Variants in EPS15L1 observed in about 807,000 individuals in gnomAD.
EPS15L1 encodes epidermal growth factor receptor pathway substrate 15 like 1.
In EPS15L1, 43 loss-of-function variants were observed where a neutral mutation model predicts 117.1. The observed-to-expected ratio is 0.37, with a 90% CI of 0.29 to 0.47. The LOEUF is 0.47. Among genes scored for constraint, EPS15L1 ranks in the 20% least tolerant of loss-of-function variants. The probability of loss-of-function intolerance (pLI) is 0.99; values close to 1 mark genes in which losing one functional copy is unlikely to be tolerated. For synonymous variants in EPS15L1, 459 were observed against 470.5 expected (o/e 0.98, Z 0.32); for missense variants, 981 against 1,164.0 (o/e 0.84, Z 2.29).
chr19:16,395,628 T>C (rs920758389), intron 16 of EPS15L1, among the ~76,000 whole-genome samples, 161 bp from the exon 17 acceptor site: 1 of 151,952 alleles, frequency 6.6e-6, no homozygotes, highest in Non-Finnish European at 1.5e-5. Context: ...CATAGCAAAA[T>C]CCCATCTCTA....
At chr19:16,358,913 C>T (rs138054959) in intron 23 of EPS15L1, among the ~76,000 whole-genome samples, 178 of 152,342 alleles carry the variant, frequency 1.2e-3, no homozygotes, top group Middle Eastern at 3.4e-3. Flanking sequence ...ATGCCACTTC[C>T]TAATACACAC....
intron 1 of EPS15L1, among the ~76,000 whole-genome samples, chr19:16,463,466 G>C (rs1038965352): frequency 6.6e-6 from 1 of 152,102 alleles, no homozygotes; most frequent in African/African-American, 2.4e-5. Flanking sequence ...CACAGAGACT[G>C]TCTCGGAGCT....
chr19:16,447,576 A>T (rs888061874), intron 1 of EPS15L1, among the ~76,000 whole-genome samples: 2 of 152,148 alleles, frequency 1.3e-5, no homozygotes, highest in Admixed American at 6.6e-5. Context: ...CCTGGCCAAC[A>T]TGATGAAACC....
intron 13 of EPS15L1, among the ~76,000 whole-genome samples, chr19:16,409,476 A>G (rs1018561900): frequency 6.6e-5 from 10 of 152,330 alleles, no homozygotes; most frequent in African/African-American, 2.4e-4. Flanking sequence ...ACAGCAGCAA[A>G]AAAAGGATAA....
At chr19:16,469,686 T>C (rs1432360457) in intron 1 of EPS15L1, among the ~76,000 whole-genome samples, 5 of 150,036 alleles carry the variant, frequency 3.3e-5, no homozygotes, top group Non-Finnish European at 7.4e-5. Context: ...CAGACAGGAG[T>C]GGGGGTGGAG....
At chr19:16,463,333 T>C (rs2093271719) in intron 1 of EPS15L1, among the ~76,000 whole-genome samples, 1 of 152,044 alleles carries the variant, frequency 6.6e-6, no homozygotes, top group African/African-American at 2.4e-5. Flanking sequence ...CCCTGCTTCC[T>C]CTCCCACCTA....
intron 12 of EPS15L1, among the ~76,000 whole-genome samples, chr19:16,414,974 T>C (rs1599608553): frequency 6.6e-6 from 1 of 152,142 alleles, no homozygotes; most frequent in Non-Finnish European, 1.5e-5. Flanking sequence ...CCCAAAGCAC[T>C]TGGATTACAG....
intron 7 of EPS15L1, among the ~76,000 whole-genome samples, chr19:16,432,630 G>A (rs2092940730): frequency 6.6e-6 from 1 of 150,910 alleles, no homozygotes; most frequent in Admixed American, 6.6e-5. Flanking sequence ...AAATTAGCCG[G>A]CTGTTGTGGT....
In EPS15L1 at chr19:16,355,854, G is replaced by C; in HGVS notation, c.2587-3C>G. On this transcript the variant is annotated splice_polypyrimidine_tract_variant and splice_region_variant and intron_variant, in intron 23 of 23. Transcript: ENST00000455140. ...AGCTGCTGCTCCTCATTGCCAAACT[G>C]CAAAGGAAAAACGGAGAGTGGGTGA... 6.5e-7 allele frequency: 1 copy of C among 1,535,422 alleles called. No homozygotes were observed. Among genetic ancestry groups the C allele is most frequent in the Non-Finnish European group, 8.7e-7 (1 of 1,146,372 alleles).
chr19:16,424,485 C>G (rs939545617), intron 9 of EPS15L1, among the ~76,000 whole-genome samples: 1 of 151,948 alleles, frequency 6.6e-6, no homozygotes, highest in Non-Finnish European at 1.5e-5. Context: ...AGTACCTCCC[C>G]TAACCTGACT....
At chr19:16,443,964 T>C (rs1244733999) in intron 1 of EPS15L1, among the ~76,000 whole-genome samples, 1 of 146,892 alleles carries the variant, frequency 6.8e-6, no homozygotes, top group Admixed American at 7.1e-5. Flanking sequence ...CTCAGGAGGC[T>C]GAGACAGGAG....
In EPS15L1 at chr19:16,355,343, G is replaced by GGTCAGGGTCCTGCCCACCGC; in HGVS notation, c.*361_*362insGCGGTGGGCAGGACCCTGAC. On this transcript the variant is annotated 3_prime_UTR_variant, in exon 24 of 24. Transcript: ENST00000455140. ...GAGTGTCTGACTGATGCGTGGGAGG[G>GGTCAGGGTCCTGCCCACCGC]CGGGTGGGGATGTCTGCAGCTATGA... The GGTCAGGGTCCTGCCCACCGC allele has an allele frequency of 2.4e-5, 6 of 251,824 alleles. No individual in the cohort carries two copies. The highest frequency in any genetic ancestry group is 1.0e-4 in the Admixed American group (2 of 20,080). The allele number at this position is 251,824 out of a possible 1,614,324, so 15.6% of individuals were successfully genotyped here.
At chr19:16,386,102 G>A in intron 20 of EPS15L1, 69 bp downstream of exon 20, 11 of 1,217,278 alleles carry the variant, frequency 9.0e-6, no homozygotes, top group Non-Finnish European at 1.3e-5. Flanking sequence ...GAGTGAAAGT[G>A]TTAACTGCGG....
chr19:16,379,773 A>G (rs571507373), intron 21 of EPS15L1, among the ~76,000 whole-genome samples: 8 of 152,274 alleles, frequency 5.3e-5, no homozygotes, highest in Admixed American at 1.3e-4. Flanking sequence ...GTCCAGTCAC[A>G]CCAGTGCAGA....
intron 1 of EPS15L1, among the ~76,000 whole-genome samples, chr19:16,460,278 T>C (rs539695260): frequency 1.3e-5 from 2 of 152,118 alleles, no homozygotes; most frequent in Admixed American, 6.6e-5. Flanking sequence ...AGCCTGTCTC[T>C]AAAAATAAAA....
chr19:16,377,698 C>T (rs1458007119), intron 21 of EPS15L1, among the ~76,000 whole-genome samples: 3 of 152,220 alleles, frequency 2.0e-5, no homozygotes, highest in East Asian at 1.9e-4. Context: ...CTGAGCTGGC[C>T]GGTGTGGTCA....
intron 22 of EPS15L1, among the ~76,000 whole-genome samples, chr19:16,367,016 C>T (rs773052781): frequency 1.3e-5 from 2 of 152,084 alleles, no homozygotes; most frequent in Admixed American, 6.6e-5. Flanking sequence ...AAAGCTGCCA[C>T]GCGCACCCAC....
intron 22 of EPS15L1, among the ~76,000 whole-genome samples, chr19:16,367,529 T>C (rs1244570549): frequency 7.6e-6 from 1 of 130,848 alleles, no homozygotes; most frequent in African/African-American, 3.0e-5. Flanking sequence ...AAAAAAAACT[T>C]GGTGGCCGGC....
chr19:16,402,730 C>T (rs2092615214), intron 15 of EPS15L1, among the ~76,000 whole-genome samples: 1 of 147,510 alleles, frequency 6.8e-6, no homozygotes, highest in Non-Finnish European at 1.5e-5. Context: ...CAAGACCCAT[C>T]TCTGCAAAAA....
Sources: allele counts gnomAD v4.1 joint callset (sites outside exome capture counted in the v4.1 genomes callset), GRCh38; gene constraint gnomAD v4.1.1; transcripts MANE v1.5; gene names NCBI Gene and HGNC (gene_info 2026-07-23, HGNC 2026-07-21).